The following DIAPH2 variants were observed in gnomAD, a reference collection of about 807,000 sequenced individuals.
DIAPH2 encodes diaphanous related formin 2, also known as protein diaphanous homolog 2.
A neutral mutation model predicts 92.7 loss-of-function variants in DIAPH2; 35 were observed. The ratio of observed to expected loss-of-function variants is 0.38; its 90% confidence interval spans 0.29 to 0.50. DIAPH2 has a LOEUF of 0.50. DIAPH2 is among the 20% of genes least tolerant of loss of function. The probability of loss-of-function intolerance (pLI) is 0.94; values close to 1 mark genes in which losing one functional copy is unlikely to be tolerated. For synonymous variants in DIAPH2, 301 were observed against 280.4 expected, an observed-to-expected ratio of 1.07 and a Z score of -0.73; for missense variants, 701 against 819.5, an observed-to-expected ratio of 0.86 and a Z score of 1.77.
Position 97,192,760 on chromosome X carries a change from C to T in DIAPH2, c.2719+50966C>T, listed in dbSNP as rs147576708. 8.4e-3 allele frequency among the ~76,000 whole-genome samples: 926 copies of T among 110,596 alleles called. 11 individuals carry two copies. Among genetic ancestry groups the T allele is most frequent in the African/African-American group, 0.029 (893 of 30,454 alleles). On this transcript the variant is annotated intron_variant, in intron 22 of 26. Transcript: ENST00000324765. ...ATTTGGCAGTATAAAAAGTGCCTCC[C>T]GATTTTTTGCAGTTTCTGAAACCCT... is the stretch of plus-strand genomic sequence containing the variant.
At chrX:96,773,423 G>A (rs1256354964) in intron 4 of DIAPH2, among the ~76,000 whole-genome samples, 2 of 111,054 alleles carry the variant, frequency 1.8e-5, no homozygotes, top group Admixed American at 9.6e-5. Flanking sequence ...AGAGGTGCCA[G>A]GGTTGTGTGC....
At chrX:96,912,059 A>G (rs1057367640) in intron 5 of DIAPH2, among the ~76,000 whole-genome samples, 4 of 111,342 alleles carry the variant, frequency 3.6e-5, no homozygotes, top group Non-Finnish European at 7.5e-5. Context: ...CAGCTTGTGA[A>G]TTCATGCTTA....
chrX:96,793,224 G>A (rs2064513354), intron 4 of DIAPH2, among the ~76,000 whole-genome samples: 1 of 112,326 alleles, frequency 8.9e-6, no homozygotes, highest in Non-Finnish European at 1.9e-5. Flanking sequence ...GCAGTGGCGT[G>A]ACCTCGGCTC....
intron 5 of DIAPH2, among the ~76,000 whole-genome samples, chrX:96,897,116 A>C (rs2065350240): frequency 8.9e-6 from 1 of 111,735 alleles, no homozygotes; most frequent in Non-Finnish European, 1.9e-5. Flanking sequence ...TGGCGACTGT[A>C]GTTAATACCA....
intron 4 of DIAPH2, among the ~76,000 whole-genome samples, chrX:96,851,784 A>G (rs186941539): frequency 1.8e-5 from 2 of 112,588 alleles, no homozygotes; most frequent in East Asian, 2.8e-4. Context: ...CATAAAAGCA[A>G]TAACCAAAAA....
Position 97,334,472 on chromosome X carries a change from A to ACAAAAAAC in DIAPH2, c.2845-13644_2845-13643insCAAAAAAC, listed in dbSNP as rs1556028858. ...AGCAAGACTCCGTCTCAAAAAAAAA[A>ACAAAAAAC]AAAAAACAAAAAACAATTCTAGATA... is the stretch of plus-strand genomic sequence containing the variant. On this transcript the variant is annotated intron_variant, in intron 23 of 26. Transcript: ENST00000324765. Among the ~76,000 whole-genome samples, 672 of 84,436 alleles carry ACAAAAAAC rather than the reference A, an allele frequency of 8.0e-3. 9 individuals carry two copies. Among genetic ancestry groups the ACAAAAAAC allele is most frequent in the African/African-American group, 0.029 (649 of 22,341 alleles). The allele number at this position is 84,436 out of a possible 115,157, so 73.3% of individuals were successfully genotyped here.
chrX:97,214,474 G>GA lies in DIAPH2; in HGVS notation c.2720-33229dup, dbSNP rs1165425950. On this transcript the variant is annotated intron_variant, in intron 22 of 26. Coordinates refer to ENST00000324765, the MANE Select transcript of DIAPH2 (RefSeq NM_006729.5). ...AGAGATCTCATCTCTAAAAATTAAA[G>GA]AAAAAAAAAAAAGTTGTAATGTCTT... 9.0e-3 allele frequency among the ~76,000 whole-genome samples: 850 copies of GA among 94,151 alleles called. 28 individuals carry two copies. The highest frequency in any genetic ancestry group is 0.077 in the Admixed American group (680 of 8,786). The allele number at this position is 94,151 out of a possible 115,157, so 81.8% of individuals were successfully genotyped here.
At chrX:97,292,548 ATT>A (rs770697641) in intron 23 of DIAPH2, among the ~76,000 whole-genome samples, 3 of 94,558 alleles carry the variant, frequency 3.2e-5, no homozygotes, top group Non-Finnish European at 2.1e-5. Context: ...TTAATACCCA[ATT>A]TTTTTTTTTT....
intron 26 of DIAPH2, among the ~76,000 whole-genome samples, chrX:97,441,808 G>A (rs971620226): frequency 2.7e-5 from 3 of 112,544 alleles, no homozygotes; most frequent in Non-Finnish European, 5.6e-5. Context: ...GCGAGACTCC[G>A]TCTCAAAAAA....
chrX:97,419,688 G>A (rs988855462), intron 25 of DIAPH2, among the ~76,000 whole-genome samples: 1 of 111,218 alleles, frequency 9.0e-6, no homozygotes, highest in Non-Finnish European at 1.9e-5. Flanking sequence ...AATAAAATAG[G>A]TTGGTGTGGA....
intron 23 of DIAPH2, among the ~76,000 whole-genome samples, chrX:97,271,999 A>G (rs979663860): frequency 9.1e-6 from 1 of 110,397 alleles, no homozygotes; most frequent in Non-Finnish European, 1.9e-5. Flanking sequence ...CCATGTTAAA[A>G]ACTTTTTTTT....
intron 5 of DIAPH2, among the ~76,000 whole-genome samples, chrX:96,903,413 T>G (rs925160324): frequency 8.9e-6 from 1 of 111,958 alleles, no homozygotes; most frequent in African/African-American, 3.2e-5. Context: ...TCCTGTGGTG[T>G]GCATGATAGA....
At chrX:97,582,736 G>A (rs1483343515) in intron 26 of DIAPH2, among the ~76,000 whole-genome samples, 1 of 110,213 alleles carries the variant, frequency 9.1e-6, no homozygotes, top group Non-Finnish European at 1.9e-5. Flanking sequence ...TGCTAGATTG[G>A]GGAAATTCTC....
intron 26 of DIAPH2, among the ~76,000 whole-genome samples, chrX:97,468,661 T>C (rs2070536057): frequency 9.2e-6 from 1 of 108,796 alleles, no homozygotes; most frequent in African/African-American, 3.4e-5. Flanking sequence ...AAAAACATCG[T>C]ATTACTTGTA....
At chrX:97,002,774 ATTC>A (rs1001375262) in intron 17 of DIAPH2, among the ~76,000 whole-genome samples, 6 of 111,893 alleles carry the variant, frequency 5.4e-5, no homozygotes, top group Admixed American at 3.8e-4. Flanking sequence ...TCAAGTATGT[ATTC>A]TTTTCTTTTT....
chrX:97,297,668 G>T (rs1316534424), intron 23 of DIAPH2, among the ~76,000 whole-genome samples: 1 of 104,300 alleles, frequency 9.6e-6, no homozygotes, highest in African/African-American at 3.5e-5. Flanking sequence ...AATTGCTATG[G>T]TTCTACTGGT....
intron 17 of DIAPH2, among the ~76,000 whole-genome samples, chrX:96,992,551 T>C (rs2066079507): frequency 8.9e-6 from 1 of 112,142 alleles, no homozygotes; most frequent in African/African-American, 3.2e-5. Flanking sequence ...CCAACATATT[T>C]CTTTCTCTTT....
intron 22 of DIAPH2, among the ~76,000 whole-genome samples, chrX:97,173,726 C>T (rs1054483190): frequency 7.2e-5 from 8 of 110,350 alleles, no homozygotes; most frequent in African/African-American, 1.3e-4. Flanking sequence ...GGCAACATGG[C>T]GAAATGCCAT....
intron 15 of DIAPH2, among the ~76,000 whole-genome samples, chrX:96,951,721 T>A (rs552779295): frequency 8.9e-6 from 1 of 111,936 alleles, no homozygotes; most frequent in South Asian, 3.8e-4. Context: ...ATTTAATTAT[T>A]CAATTCCTAA....
Sources: allele counts gnomAD v4.1 joint callset (sites outside exome capture counted in the v4.1 genomes callset), GRCh38; gene constraint gnomAD v4.1.1; transcripts MANE v1.5; gene names NCBI Gene and HGNC (gene_info 2026-07-23, HGNC 2026-07-21).